RGS6: variants seen among roughly 807,000 people sequenced by gnomAD.
RGS6 encodes the protein regulator of G protein signaling 6, also known as regulator of G-protein signaling 6.
A neutral mutation model predicts 78.5 loss-of-function variants in RGS6; 30 were observed. That is an observed-to-expected ratio of 0.38 (90% CI 0.29 to 0.52). The LOEUF is 0.52. Among genes scored for constraint, RGS6 ranks in the 20% least tolerant of loss-of-function variants. RGS6 has a pLI of 0.85. For missense variants in RGS6, 495 were observed against 609.7 expected (o/e 0.81, Z 1.98); for synonymous variants, 206 against 206.0 (o/e 1.00, Z 0.00).
chr14:72,109,609 C>A (rs371063649), intron 2 of RGS6, among the ~76,000 whole-genome samples: 10 of 152,060 alleles, frequency 6.6e-5, no homozygotes, highest in South Asian at 2.1e-4. Context: ...AATTACAGAG[C>A]AAAATAGATG....
chr14:71,908,347 T>C, the RGS6 span: 1 of 152,222 alleles, frequency 6.6e-6, no homozygotes, highest in Admixed American at 6.5e-5. Context: ...CAGAATGCCG[T>C]CTAGCGAGAG....
intron 10 of RGS6, among the ~76,000 whole-genome samples, 158 bp from the exon 11 acceptor site, chr14:72,476,583 GA>G (rs2096248103): frequency 6.6e-6 from 1 of 152,254 alleles, no homozygotes; most frequent in Non-Finnish European, 1.5e-5. Flanking sequence ...CATGCCTTAA[GA>G]GGCAGCATTC....
Position 72,459,680 on chromosome 14 carries a change from T to G in RGS6, c.391T>G (p.Tyr131Asp), listed in dbSNP as rs1336567231. The G allele has an allele frequency of 6.2e-7, 1 of 1,614,088 alleles. No homozygotes were observed. Among genetic ancestry groups the G allele is most frequent in the Admixed American group, 1.7e-5 (1 of 60,018 alleles). ...SNCWEPENTD[Y>D]AIYLCKRTMQ... Reference sequence around the variant, plus strand: ...CTGCTGGGAACCTGAAAACACTGACTATGGTGAGAACTGAAGCCACTGGGA... The same window carrying G: ...CTGCTGGGAACCTGAAAACACTGACGATGGTGAGAACTGAAGCCACTGGGA... The change falls in exon 6 of 18, where the codon TAT becomes GAT. Residue 131 changes from tyrosine (Y) to aspartate (D), a missense_variant. By Grantham distance (160) the Tyr-to-Asp change is radical (BLOSUM62 -3). Transcript: ENST00000553525.
chr14:72,597,456 G>A, the RGS6 span, among the ~76,000 whole-genome samples: 3 of 152,206 alleles, frequency 2.0e-5, no homozygotes, highest in African/African-American at 7.2e-5. Context: ...AGGGCTGTGG[G>A]CCTCAGGCAG....
rs138852647 is a variant in RGS6 at position 72,145,842 on chromosome 14, T to C, written c.84+180967T>C. On this transcript the variant is annotated intron_variant, in intron 2 of 17. Transcript: ENST00000553525. ...TATAAGTGTGGTAAATGACAGGAGA[T>C]GTATAGTAGAGGAATCTCATCTGTC... 6.7e-3 allele frequency among the ~76,000 whole-genome samples: 1,013 copies of C among 152,130 alleles called. 32 individuals carry two copies. The highest frequency in any genetic ancestry group is 0.059 in the Admixed American group (908 of 15,268).
chr14:72,541,613 G>C (rs2097328472), intron 17 of RGS6: 1 of 1,535,492 alleles, frequency 6.5e-7, no homozygotes, highest in South Asian at 1.2e-5. Flanking sequence ...ATGATGGCCT[G>C]AGAGAAGGTA....
chr14:72,027,483 C>A (rs2090102657), intron 2 of RGS6, among the ~76,000 whole-genome samples: 1 of 152,132 alleles, frequency 6.6e-6, no homozygotes, highest in African/African-American at 2.4e-5. Context: ...CTGTGTGCTA[C>A]CAAATCTGCC....
chr14:72,194,258 A>G (rs1004474144), intron 2 of RGS6, among the ~76,000 whole-genome samples: 3 of 152,242 alleles, frequency 2.0e-5, no homozygotes, highest in African/African-American at 7.2e-5. Context: ...ATTCATTGAC[A>G]CATACTTGTT....
intron 2 of RGS6, among the ~76,000 whole-genome samples, chr14:72,162,768 G>T (rs1410168799): frequency 1.3e-5 from 2 of 151,874 alleles, no homozygotes; most frequent in African/African-American, 4.8e-5. Context: ...ATCAATGAGT[G>T]GATAAAGACA....
At chr14:72,159,367 G>T (rs1331314597) in intron 2 of RGS6, among the ~76,000 whole-genome samples, 2 of 152,174 alleles carry the variant, frequency 1.3e-5, no homozygotes, top group African/African-American at 4.8e-5. Context: ...GAGGGTAGGC[G>T]CTCCAAAGAG....
intron 1 of RGS6, among the ~76,000 whole-genome samples, chr14:71,961,219 G>A (rs1230417168): frequency 6.6e-6 from 1 of 152,168 alleles, no homozygotes; most frequent in Non-Finnish European, 1.5e-5. Flanking sequence ...CTGGGATATA[G>A]GCAGTATTGA....
At chr14:71,996,078 C>A (rs530538435) in intron 2 of RGS6, among the ~76,000 whole-genome samples, 21 of 152,222 alleles carry the variant, frequency 1.4e-4, no homozygotes, top group African/African-American at 4.8e-4. Flanking sequence ...AGGTGTATAT[C>A]CTGCAGGCAA....
At chr14:72,163,313 G>C (rs1052749890) in intron 2 of RGS6, among the ~76,000 whole-genome samples, 2 of 152,222 alleles carry the variant, frequency 1.3e-5, no homozygotes, top group Non-Finnish European at 2.9e-5. Flanking sequence ...TAGCTTATGA[G>C]GTGGTTGGTA....
chr14:72,124,658 T>A (rs2096143352), intron 2 of RGS6, among the ~76,000 whole-genome samples: 1 of 152,240 alleles, frequency 6.6e-6, no homozygotes, highest in Admixed American at 6.5e-5. Flanking sequence ...TTGCAGTAAC[T>A]GGCCATTATT....
chr14:72,003,130 A>G (rs539970824), intron 2 of RGS6, among the ~76,000 whole-genome samples: 1 of 152,306 alleles, frequency 6.6e-6, no homozygotes, highest in African/African-American at 2.4e-5. Flanking sequence ...CCCCTCAATG[A>G]GGGCTTTAAA....
intron 3 of RGS6, among the ~76,000 whole-genome samples, chr14:72,408,102 A>T (rs1429669194): frequency 6.6e-6 from 1 of 152,214 alleles, no homozygotes; most frequent in Non-Finnish European, 1.5e-5. Flanking sequence ...ATGCTTGTTT[A>T]TCCACTTATA....
At chr14:72,505,665 C>T (rs2096789658) in intron 13 of RGS6, among the ~76,000 whole-genome samples, 1 of 152,194 alleles carries the variant, frequency 6.6e-6, no homozygotes, top group African/African-American at 2.4e-5. Flanking sequence ...GCTTTGGAGA[C>T]AGGCAGTCCT....
At chr14:72,469,681 CACAG>C (rs1411513307) in intron 7 of RGS6, 3 of 206,194 alleles carry the variant, frequency 1.5e-5, no homozygotes, top group Non-Finnish European at 2.9e-5. Flanking sequence ...CCCCAATAAC[CACAG>C]ACAATTTTCC....
the RGS6 span, among the ~76,000 whole-genome samples, chr14:72,617,898 G>GA: frequency 6.6e-6 from 1 of 152,130 alleles, no homozygotes. Context: ...TCCGCTCACC[G>GA]AGACCTGCCC....
Sources: allele counts gnomAD v4.1 joint callset (sites outside exome capture counted in the v4.1 genomes callset), GRCh38; gene constraint gnomAD v4.1.1; transcripts MANE v1.5; gene names NCBI Gene and HGNC (gene_info 2026-07-23, HGNC 2026-07-21).